The following WDR43 variants were observed in gnomAD, a reference collection of about 807,000 sequenced individuals.
The protein encoded by WDR43 is WD repeat domain 43.
WDR43 carries 13 observed loss-of-function variants against 91.4 expected under a neutral mutation model. The observed-to-expected ratio is 0.14, with a 90% CI of 0.09 to 0.23. The LOEUF (loss-of-function observed/expected upper bound fraction) is 0.23. Among genes scored for constraint, WDR43 ranks in the 10% least tolerant of loss-of-function variants. The pLI, the probability that WDR43 is intolerant of heterozygous loss-of-function variation, is 1.00. For missense variants in WDR43, 780 were observed against 809.4 expected, an observed-to-expected ratio of 0.96 and a Z score of 0.44; for synonymous variants, 331 against 287.9, an observed-to-expected ratio of 1.15 and a Z score of -1.51.
At chr2:28,903,615 A>G (rs1386080039) in intron 2 of WDR43, among the ~76,000 whole-genome samples, 1 of 152,224 alleles carries the variant, frequency 6.6e-6, no homozygotes, top group Non-Finnish European at 1.5e-5. Flanking sequence ...TCAGAGATCC[A>G]TCTCAAGAAA....
intron 2 of WDR43, among the ~76,000 whole-genome samples, chr2:28,906,157 A>G (rs1012565871): frequency 1.3e-5 from 2 of 152,080 alleles, no homozygotes; most frequent in African/African-American, 2.4e-5. Context: ...TTCATTTGTC[A>G]GTTAAAAAAA....
intron 5 of WDR43, 80 bp from the exon 6 acceptor site, chr2:28,917,813 C>T: frequency 6.5e-6 from 8 of 1,231,474 alleles, no homozygotes; most frequent in Non-Finnish European, 9.1e-6. Context: ...TGCTGATCTC[C>T]ATGCCTCCTT....
At chr2:28,925,797 A>G (rs571277348) in intron 8 of WDR43, among the ~76,000 whole-genome samples, 1 of 152,294 alleles carries the variant, frequency 6.6e-6, no homozygotes, top group Non-Finnish European at 1.5e-5. Context: ...TGGTTTAATT[A>G]AAAAAATAAA....
chr2:28,941,442 T>G lies in WDR43; in HGVS notation c.1621-19T>G, dbSNP rs1375610450. ...TCTCTAATACGTTAATAGTGCCAAA[T>G]GATCATTTTTTTCTCTAGTTGCCTG... On this transcript the variant is annotated intron_variant, in intron 14 of 17. Transcript: ENST00000407426. 2 of 1,589,412 alleles carry G rather than the reference T, an allele frequency of 1.3e-6. No individual in the cohort carries two copies. Among genetic ancestry groups the G allele is most frequent in the Non-Finnish European group, 1.7e-6 (2 of 1,161,244 alleles).
At chr2:28,917,104 A>G (rs1572589697) in intron 5 of WDR43, among the ~76,000 whole-genome samples, 1 of 152,204 alleles carries the variant, frequency 6.6e-6, no homozygotes, top group Non-Finnish European at 1.5e-5. Flanking sequence ...ACAAAAATGC[A>G]AAAAACATGG....
intron 1 of WDR43, among the ~76,000 whole-genome samples, 173 bp from the exon 2 acceptor site, chr2:28,901,814 T>C (rs1670581992): frequency 1.3e-5 from 2 of 152,206 alleles, no homozygotes; most frequent in Admixed American, 6.5e-5. Flanking sequence ...CGAGTTTCTC[T>C]TCCCATTGGA....
At chr2:28,920,907 C>T (rs961952103) in intron 6 of WDR43, among the ~76,000 whole-genome samples, 16 of 151,940 alleles carry the variant, frequency 1.1e-4, no homozygotes, top group African/African-American at 3.6e-4. Context: ...GAACTCCTGA[C>T]CTCAGGTGTT....
intron 3 of WDR43, among the ~76,000 whole-genome samples, chr2:28,909,846 C>G (rs1670756632): frequency 6.6e-6 from 1 of 152,196 alleles, no homozygotes; most frequent in African/African-American, 2.4e-5. Context: ...TGCACTCTGC[C>G]TGGGCAACAC....
intron 11 of WDR43, 139 bp from the exon 12 acceptor site, chr2:28,935,382 T>G: frequency 1.8e-6 from 1 of 557,258 alleles, no homozygotes; most frequent in Non-Finnish European, 3.1e-6. Context: ...CCAACCTTTA[T>G]TTTTGCTAAA....
At chr2:28,919,579 C>T (rs1670982089) in intron 6 of WDR43, among the ~76,000 whole-genome samples, 1 of 152,014 alleles carries the variant, frequency 6.6e-6, no homozygotes, top group East Asian at 1.9e-4. Flanking sequence ...TGCCGTGAAC[C>T]TGGGAGGTGG....
chr2:28,906,625 A>G, intron 3 of WDR43, 44 bp downstream of exon 3: 1 of 1,594,312 alleles, frequency 6.3e-7, no homozygotes, highest in Non-Finnish European at 8.5e-7. Flanking sequence ...AGACGTGGAT[A>G]AATGCTGGAC....
intron 6 of WDR43, among the ~76,000 whole-genome samples, chr2:28,919,676 A>G (rs1359041975): frequency 2.0e-5 from 3 of 152,000 alleles, no homozygotes; most frequent in African/African-American, 7.3e-5. Flanking sequence ...ACAAACTAGT[A>G]GGAATCCTAC....
intron 5 of WDR43, among the ~76,000 whole-genome samples, chr2:28,915,301 A>G (rs12623400): frequency 0.67 from 102,306 of 151,952 alleles, 35,044 homozygotes; most frequent in East Asian, 0.85. Flanking sequence ...TTGATTTTTG[A>G]GAAGAGCCAA....
chr2:28,943,202 A>G (rs1221785358), intron 16 of WDR43, among the ~76,000 whole-genome samples: 2 of 151,786 alleles, frequency 1.3e-5, no homozygotes, highest in South Asian at 2.1e-4. Context: ...CTCGAGGTCA[A>G]TCATAGCTCA....
intron 6 of WDR43, among the ~76,000 whole-genome samples, 175 bp downstream of exon 6, chr2:28,918,170 T>C (rs1469705881): frequency 2.0e-5 from 3 of 152,110 alleles, no homozygotes; most frequent in Admixed American, 6.5e-5. Flanking sequence ...TAATCTCTTA[T>C]GGGGGAAGGG....
intron 2 of WDR43, among the ~76,000 whole-genome samples, chr2:28,902,779 C>G (rs1232671860): frequency 3.9e-5 from 6 of 152,172 alleles, no homozygotes; most frequent in African/African-American, 1.4e-4. Context: ...GCTGGGAAAT[C>G]AGAAATCAGG....
At chr2:28,902,977 C>T (rs1257017443) in intron 2 of WDR43, among the ~76,000 whole-genome samples, 1 of 152,068 alleles carries the variant, frequency 6.6e-6, no homozygotes, top group Admixed American at 6.6e-5. Context: ...TTTGTAACTA[C>T]ATAAAGTTGA....
chr2:28,923,629 CAG>C (rs1671077857), intron 7 of WDR43, among the ~76,000 whole-genome samples: 1 of 152,126 alleles, frequency 6.6e-6, no homozygotes, highest in African/African-American at 2.4e-5. Context: ...TAAATATAAA[CAG>C]ATTATGAAAA....
At chr2:28,917,087 A>G (rs1191976035) in intron 5 of WDR43, among the ~76,000 whole-genome samples, 2 of 152,200 alleles carry the variant, frequency 1.3e-5, no homozygotes, top group Non-Finnish European at 2.9e-5. Context: ...GAAATCTCCA[A>G]GAAAGCACAA....
Sources: allele counts gnomAD v4.1 joint callset (sites outside exome capture counted in the v4.1 genomes callset), GRCh38; gene constraint gnomAD v4.1.1; transcripts MANE v1.5; gene names NCBI Gene and HGNC (gene_info 2026-07-23, HGNC 2026-07-21).